The following IP6K2 variants were observed in gnomAD, a reference collection of about 807,000 sequenced individuals.
The protein encoded by IP6K2 is ATP:1D-myo-inositol-hexakisphosphate phosphotransferase.
IP6K2 carries 9 observed loss-of-function variants against 43.3 expected under a neutral mutation model. The ratio of observed to expected loss-of-function variants is 0.21; its 90% CI spans 0.13 to 0.36. The LOEUF is 0.36. Ranked by LOEUF, IP6K2 falls within the 10% of genes least tolerant of loss-of-function variation. The pLI is 1.00. For missense variants in IP6K2, 332 were observed against 538.4 expected (o/e 0.62, Z 3.79); for synonymous variants, 209 against 202.4 (o/e 1.03, Z -0.28).
intron 2 of IP6K2, 158 bp downstream of exon 2, chr3:48,694,932 C>T (rs1368294460): frequency 1.3e-6 from 2 of 1,555,926 alleles, no homozygotes; most frequent in African/African-American, 1.4e-5. Context: ...GTGTGAGATG[C>T]TGGGCTGAGG....
chr3:48,693,385 T>C (rs2077973587), intron 2 of IP6K2: 1 of 1,176,472 alleles, frequency 8.5e-7, no homozygotes, highest in Admixed American at 1.8e-5. Context: ...GGAGCAAACA[T>C]GGCTGAGAGT....
At chr3:48,696,120 A>G (rs1359198999) in intron 1 of IP6K2, among the ~76,000 whole-genome samples, 1 of 151,798 alleles carries the variant, frequency 6.6e-6, no homozygotes, top group Admixed American at 6.6e-5. Flanking sequence ...TCTTGACCTC[A>G]TGATCTGCCC....
Position 48,695,159 on chromosome 3 carries a change from C to T in IP6K2, c.133G>A (p.Val45Ile), listed in dbSNP as rs758603715. The change falls in exon 2 of 6, where the codon GTC becomes ATC. Residue 45 changes from valine to isoleucine, a missense_variant. Coordinates refer to ENST00000328631, the MANE Select transcript of IP6K2 (RefSeq NM_016291.4). This position sits in a 1 kb window ranked among gnomAD's most constrained non-coding sequence, Gnocchi z 4.6. ...TCGTAGAACTGATGTTCCCTTGGGA[C>T]CAGGGGCTTGCACAGGGTTGTCTCA... ...FNETTLCKPL[V>I]PREHQFYETL... 1.2e-6 allele frequency: 2 copies of T among 1,607,830 alleles called. No individual in the cohort carries two copies. Among genetic ancestry groups the T allele is most frequent in the Non-Finnish European group, 1.7e-6 (2 of 1,175,228 alleles).
chr3:48,694,559 TATC>T (rs1339229783), intron 2 of IP6K2: 2 of 1,523,142 alleles, frequency 1.3e-6, no homozygotes, highest in Non-Finnish European at 1.8e-6. Context: ...AATAAAAAAT[TATC>T]ATATGTGAAT....
chr3:48,693,982 GCGCCTT>G, intron 2 of IP6K2: 4 of 1,381,726 alleles, frequency 2.9e-6, no homozygotes, highest in Admixed American at 3.5e-5. Context: ...GTGCCGACGA[GCGCCTT>G]ACAAACGACT....
At position 48,688,124 on chromosome 3, in the gene IP6K2, ACTGGCTCAGGCTGGGG is replaced by A; in HGVS notation, c.*133_*148del. 3 of 747,476 alleles carry A rather than the reference ACTGGCTCAGGCTGGGG, an allele frequency of 4.0e-6. No homozygotes were observed. The South Asian group carries it at 5.1e-5, about 13-fold the overall frequency. The allele number at this position is 747,476 out of a possible 1,614,324, so 46.3% of individuals were successfully genotyped here. A position where few individuals can be genotyped will look rare whatever the true frequency, so the allele number is the denominator to read the frequency against. On this transcript the variant is annotated 3_prime_UTR_variant, in exon 6 of 6. Coordinates refer to ENST00000328631, the MANE Select transcript of IP6K2 (RefSeq NM_016291.4). This position sits in a 1 kb window ranked among gnomAD's most constrained non-coding sequence, Gnocchi z 5.1. ...AATAAAGACTCCAAGCACAGCTGGG[ACTGGCTCAGGCTGGGG>A]CTCACAGAGGCCACTGCACATCAGC...
At chr3:48,710,315 A>C (rs2080337236) in intron 1 of IP6K2, among the ~76,000 whole-genome samples, 1 of 152,154 alleles carries the variant, frequency 6.6e-6, no homozygotes, top group Non-Finnish European at 1.5e-5. Context: ...ACTTTAGCCC[A>C]GAAGGTTGAG....
intron 2 of IP6K2, 125 bp downstream of exon 2, chr3:48,694,965 G>A (rs2078161729): frequency 5.7e-6 from 9 of 1,590,482 alleles, no homozygotes; most frequent in Non-Finnish European, 7.7e-6. Context: ...AGAAGGAGGA[G>A]AGGGAGGGAA....
Position 48,695,457 on chromosome 3 carries a change from A to T in IP6K2, c.-130-36T>A, listed in dbSNP as rs983754303. ...ACAAAATGATGACATGGGGGTTCGA[A>T]GTAGCGTGGGAAGTGCCTTAGAGCT... is the stretch of plus-strand genomic sequence containing the variant. On this transcript the variant is annotated intron_variant, in intron 1 of 5. Coordinates refer to ENST00000328631, the MANE Select transcript of IP6K2 (RefSeq NM_016291.4). This position sits in a 1 kb window ranked among gnomAD's most constrained non-coding sequence, Gnocchi z 4.6. The T allele has an allele frequency of 7.1e-7, 1 of 1,403,980 alleles. No individual in the cohort carries two copies. The highest frequency in any genetic ancestry group is 9.3e-7 in the Non-Finnish European group (1 of 1,077,046). The allele number at this position is 1,403,980 out of a possible 1,614,324, so 87.0% of individuals were successfully genotyped here.
chr3:48,712,018 G>T (rs1332711006), intron 1 of IP6K2, among the ~76,000 whole-genome samples: 4 of 152,030 alleles, frequency 2.6e-5, no homozygotes, highest in Non-Finnish European at 5.9e-5. Flanking sequence ...TAAACAAATG[G>T]GCATCAGAGT....
At chr3:48,701,592 AAAAG>A (rs2079049315) in intron 1 of IP6K2, among the ~76,000 whole-genome samples, 4 of 150,386 alleles carry the variant, frequency 2.7e-5, no homozygotes, top group African/African-American at 9.7e-5. Context: ...AAAAAAAAAA[AAAAG>A]ATTATACTTA....
At chr3:48,692,748 T>TG (rs2077908806) in intron 3 of IP6K2, among the ~76,000 whole-genome samples, 1 of 152,246 alleles carries the variant, frequency 6.6e-6, no homozygotes, top group Non-Finnish European at 1.5e-5. Context: ...CAGCTGCCAG[T>TG]GCAGCTGTTT....
Position 48,695,347 on chromosome 3 carries a change from A to C in IP6K2, c.-56T>G. ...GAGGCAGCGGAGTCCAGCGGCCAGT[A>C]CGTCTTCTGTCTGTTGTTTGTCCGT... On this transcript the variant is annotated 5_prime_UTR_variant, in exon 2 of 6. Transcript: ENST00000328631. This position sits in a 1 kb window ranked among gnomAD's most constrained non-coding sequence, Gnocchi z 4.6. 6.4e-7 allele frequency: 1 copy of C among 1,553,784 alleles called. No homozygotes were observed. Among genetic ancestry groups the C allele is most frequent in the Non-Finnish European group, 8.7e-7 (1 of 1,150,680 alleles).
At chr3:48,704,399 A>G (rs532182300) in intron 1 of IP6K2, among the ~76,000 whole-genome samples, 1 of 152,322 alleles carries the variant, frequency 6.6e-6, no homozygotes, top group East Asian at 1.9e-4. Context: ...CAATTGTATG[A>G]CGGACTATTA....
chr3:48,715,760 A>G (rs2081123137), intron 1 of IP6K2, among the ~76,000 whole-genome samples: 1 of 137,838 alleles, frequency 7.3e-6, no homozygotes, highest in Non-Finnish European at 1.5e-5. Flanking sequence ...TATGTTGCCC[A>G]GGTTGATCTT....
chr3:48,688,022 T>C lies in IP6K2; in HGVS notation c.*251A>G. ...ACTATATACAATAAACAAAAAGATT[T>C]GTATTAGAACATATACACTCAGGGA... On this transcript the variant is annotated 3_prime_UTR_variant, in exon 6 of 6. Coordinates refer to ENST00000328631, the MANE Select transcript of IP6K2 (RefSeq NM_016291.4). The surrounding 1 kb of genome is among the most constrained non-coding windows in gnomAD (Gnocchi z 5.1). 1.9e-6 allele frequency: 1 copy of C among 517,996 alleles called. No individual in the cohort carries two copies. The highest frequency in any genetic ancestry group is 3.5e-6 in the Non-Finnish European group (1 of 289,190). The allele number at this position is 517,996 out of a possible 1,614,324, so 32.1% of individuals were successfully genotyped here.
intron 1 of IP6K2, chr3:48,715,209 C>T (rs978685710): frequency 4.5e-5 from 53 of 1,173,928 alleles, no homozygotes; most frequent in Non-Finnish European, 6.2e-5. Flanking sequence ...AGAGTGTGTT[C>T]AATTTGTTAC....
intron 1 of IP6K2, among the ~76,000 whole-genome samples, chr3:48,697,514 T>C (rs71324915): frequency 9.2e-6 from 1 of 108,692 alleles, no homozygotes; most frequent in Non-Finnish European, 1.9e-5. Context: ...TTTTTTTTTG[T>C]ATTTTTAGTA....
chr3:48,693,705 C>G (rs1346596904), intron 2 of IP6K2: 1 of 1,067,678 alleles, frequency 9.4e-7, no homozygotes, highest in Non-Finnish European at 1.1e-6. Flanking sequence ...AACCACACAG[C>G]ACAAGACACC....
Sources: allele counts gnomAD v4.1 joint callset (sites outside exome capture counted in the v4.1 genomes callset), GRCh38; gene constraint gnomAD v4.1.1; non-coding constraint Gnocchi (gnomAD v3.1); transcripts MANE v1.5; gene names NCBI Gene and HGNC (gene_info 2026-07-23, HGNC 2026-07-21).